Variants in PTPRD observed in about 807,000 individuals in gnomAD.
PTPRD encodes protein tyrosine phosphatase receptor type D.
In PTPRD, 34 loss-of-function variants were observed where a neutral mutation model predicts 214.5. The observed-to-expected ratio is 0.16, with a 90% CI of 0.12 to 0.21. The LOEUF is 0.21. Ranked by LOEUF, PTPRD falls within the 10% of genes least tolerant of loss-of-function variation. The pLI is 1.00. For synonymous variants in PTPRD, 1,128 were observed against 845.7 expected (o/e 1.33, Z -5.79); for missense variants, 2,545 against 2,398.7 (o/e 1.06, Z -1.27).
At chr9:10,564,417 C>A (rs2065020111) in intron 2 of PTPRD, among the ~76,000 whole-genome samples, 1 of 149,070 alleles carries the variant, frequency 6.7e-6, no homozygotes, top group Non-Finnish European at 1.5e-5. Context: ...GTAGGAGGCA[C>A]TGAAGGAACT....
At position 9,245,337 on chromosome 9, in the gene PTPRD, C is replaced by G. The variant is rs1425151659; in HGVS notation, c.-202-61974G>C. Reference sequence around the variant, plus strand: ...ATGCACACGTATGTTTATTGCGGCACTATTCACAATAGTAAAGACTTGGAA... The same window carrying G: ...ATGCACACGTATGTTTATTGCGGCAGTATTCACAATAGTAAAGACTTGGAA... On this transcript the variant is annotated intron_variant, in intron 9 of 45. Coordinates refer to ENST00000381196, the MANE Select transcript of PTPRD (RefSeq NM_002839.4). Among the ~76,000 whole-genome samples, 3 of 152,206 alleles carry G rather than the reference C, an allele frequency of 2.0e-5. No individual in the cohort carries two copies. In the East Asian group the frequency reaches 5.8e-4, roughly 29 times the overall value.
intron 5 of PTPRD, among the ~76,000 whole-genome samples, chr9:9,857,587 G>C (rs10978039): frequency 0.13 from 19,996 of 152,138 alleles, 1,683 homozygotes; most frequent in Non-Finnish European, 0.19. Flanking sequence ...TAAAATCATG[G>C]AGTCCATATT....
chr9:9,312,803 C>T (rs1959707797), intron 9 of PTPRD, among the ~76,000 whole-genome samples: 1 of 152,130 alleles, frequency 6.6e-6, no homozygotes, highest in South Asian at 2.1e-4. Context: ...GACAATCATA[C>T]AAATGCATAA....
chr9:10,400,720 ATT>A (rs557211448), intron 2 of PTPRD, among the ~76,000 whole-genome samples: 53 of 151,722 alleles, frequency 3.5e-4, no homozygotes, highest in African/African-American at 1.1e-3. Flanking sequence ...ACATATTAAA[ATT>A]ATCAAAAATG....
chr9:9,946,658 G>C (rs2092603048), intron 4 of PTPRD, among the ~76,000 whole-genome samples: 1 of 152,016 alleles, frequency 6.6e-6, no homozygotes, highest in Non-Finnish European at 1.5e-5. Context: ...CATCGACACT[G>C]GCTTCTGGGA....
intron 10 of PTPRD, among the ~76,000 whole-genome samples, chr9:9,089,971 G>C (rs1362981904): frequency 6.6e-6 from 1 of 152,024 alleles, no homozygotes; most frequent in East Asian, 1.9e-4. Flanking sequence ...TATTTATGGG[G>C]TATATGTGAT....
intron 4 of PTPRD, among the ~76,000 whole-genome samples, chr9:9,964,983 G>A (rs1178972138): frequency 6.6e-6 from 1 of 152,034 alleles, no homozygotes; most frequent in Non-Finnish European, 1.5e-5. Flanking sequence ...AAAATAGGAT[G>A]CTAACAAAAA....
chr9:9,833,674 G>A lies in PTPRD; in HGVS notation c.-367-66823C>T, dbSNP rs550131917. Among the ~76,000 whole-genome samples, 30 of 106,422 alleles carry A rather than the reference G, an allele frequency of 2.8e-4. 1 individual carries two copies. The South Asian group carries it at 8.6e-3, about 30-fold the overall frequency. 69.8% of individuals were successfully genotyped at this position (106,422 alleles called of 152,430 possible). A position where few individuals can be genotyped will look rare whatever the true frequency, so the allele number is the denominator to read the frequency against. On this transcript the variant is annotated intron_variant, in intron 5 of 45. Transcript: ENST00000381196. The stretch of plus-strand genomic sequence containing the variant: ...AGTCTCAACCATAAGAGACAGGTAC[G>A]CTCCGGAGAGGGGGGCAGTTCAGAG...
At chr9:8,937,084 A>AT (rs2099002776) in intron 11 of PTPRD, among the ~76,000 whole-genome samples, 1 of 9,596 alleles carries the variant, frequency 1.0e-4, no homozygotes, top group African/African-American at 1.1e-4. Flanking sequence ...TAGAAATGGT[A>AT]GTTTTTTTAC....
chr9:8,937,057 C>T (rs530432311), intron 11 of PTPRD, among the ~76,000 whole-genome samples: 26 of 140,214 alleles, frequency 1.9e-4, no homozygotes, highest in African/African-American at 6.3e-4. Context: ...GCGTGTGTTC[C>T]TTCTAATATT....
At chr9:9,587,458 C>A (rs2092179697) in intron 7 of PTPRD, among the ~76,000 whole-genome samples, 1 of 152,048 alleles carries the variant, frequency 6.6e-6, no homozygotes, top group African/African-American at 2.4e-5. Flanking sequence ...GCTAATGACA[C>A]AGATTTATAT....
At chr9:10,599,625 T>C (rs1307742940) in intron 2 of PTPRD, among the ~76,000 whole-genome samples, 1 of 151,774 alleles carries the variant, frequency 6.6e-6, no homozygotes. Context: ...TATTGCAACA[T>C]TTTCTTCAAA....
chr9:9,093,198 A>G (rs1466355286), intron 10 of PTPRD, among the ~76,000 whole-genome samples: 1 of 152,126 alleles, frequency 6.6e-6, no homozygotes, highest in South Asian at 2.1e-4. Flanking sequence ...AAACTAATAG[A>G]ACTAAAAGGA....
rs758481699 is a variant in PTPRD, at chr9:10,572,183, G to T, written c.-600+40215C>A. 3.2e-4 allele frequency among the ~76,000 whole-genome samples: 48 copies of T among 152,192 alleles called. 1 individual carries two copies. The highest frequency in any genetic ancestry group is 6.8e-3 in the Middle Eastern group (2 of 294). ...TCATGTACCTGCATAGTAAAGTATA[G>T]AATTTTTGGAAAATCATTAACTCTT... On this transcript the variant is annotated intron_variant, in intron 2 of 45. Coordinates refer to ENST00000381196, the MANE Select transcript of PTPRD (RefSeq NM_002839.4).
Position 9,225,022 on chromosome 9 carries a change from G to A in PTPRD, c.-202-41659C>T, listed in dbSNP as rs552372723. On this transcript the variant is annotated intron_variant, in intron 9 of 45. Coordinates refer to ENST00000381196, the MANE Select transcript of PTPRD (RefSeq NM_002839.4). ...GAATTGGTTAAACTCATTTATACAC[G>A]TATACTGGCATCTATGGCAACTCAA... is the stretch of plus-strand genomic sequence containing the variant. Among the ~76,000 whole-genome samples, 9 of 151,996 alleles carry A rather than the reference G, an allele frequency of 5.9e-5. No individual in the cohort carries two copies. The South Asian group carries it at 1.7e-3, about 28-fold the overall frequency.
chr9:10,091,018 A>G (rs147200631), intron 3 of PTPRD, among the ~76,000 whole-genome samples: 160 of 150,832 alleles, frequency 1.1e-3, no homozygotes, highest in African/African-American at 3.7e-3. Flanking sequence ...CATTTCTGAC[A>G]TTAGTCGCTG....
intron 3 of PTPRD, among the ~76,000 whole-genome samples, chr9:10,163,939 A>G (rs568214770): frequency 6.6e-6 from 1 of 151,578 alleles, no homozygotes; most frequent in Non-Finnish European, 1.5e-5. Flanking sequence ...TATTTTCACA[A>G]TATTAACATA....
intron 3 of PTPRD, among the ~76,000 whole-genome samples, chr9:10,178,761 T>C (rs1429811092): frequency 6.6e-6 from 1 of 151,918 alleles, no homozygotes; most frequent in African/African-American, 2.4e-5. Context: ...TATAGGATGT[T>C]TAGCAACATC....
intron 9 of PTPRD, among the ~76,000 whole-genome samples, chr9:9,214,303 ACACTTGG>A (rs1452672046): frequency 1.3e-5 from 2 of 152,318 alleles, no homozygotes; most frequent in Admixed American, 1.3e-4. Context: ...AAAGAGCTGA[ACACTTGG>A]CTTCTAATAG....
Sources: gnomAD v4.1 joint callset for allele counts (sites outside exome capture counted in the v4.1 genomes callset) on GRCh38, gnomAD v4.1.1 for gene constraint, MANE v1.5 for transcripts, NCBI Gene and HGNC (gene_info 2026-07-23, HGNC 2026-07-21) for gene names.